The following JAKMIP3 variants were observed in gnomAD, a reference collection of about 807,000 sequenced individuals.
The protein encoded by JAKMIP3 is janus kinase and microtubule-interacting protein 3.
A neutral mutation model predicts 118.5 loss-of-function variants in JAKMIP3; 58 were observed. That is an observed-to-expected ratio of 0.49 (90% CI 0.40 to 0.61). JAKMIP3 has a LOEUF of 0.61. JAKMIP3 is among the 20% of genes least tolerant of loss of function. The pLI is 0.00. For synonymous variants in JAKMIP3, 486 were observed against 451.2 expected (o/e 1.08, Z -0.98); for missense variants, 950 against 1,109.0 (o/e 0.86, Z 2.04).
At chr10:132,173,462 A>G (rs2059823177) in intron 23 of JAKMIP3, among the ~76,000 whole-genome samples, 1 of 151,690 alleles carries the variant, frequency 6.6e-6, no homozygotes, top group Non-Finnish European at 1.5e-5. Flanking sequence ...CAGATGCCCC[A>G]GCTGGAGCAC....
intron 1 of JAKMIP3, among the ~76,000 whole-genome samples, chr10:132,056,432 A>AG (rs1215240125): frequency 6.6e-6 from 1 of 152,180 alleles, no homozygotes. Context: ...TCCAGGTCTC[A>AG]GGGTCCCATC....
intron 1 of JAKMIP3, among the ~76,000 whole-genome samples, chr10:132,081,403 T>G (rs1246112808): frequency 2.0e-5 from 3 of 152,234 alleles, no homozygotes; most frequent in Non-Finnish European, 4.4e-5. Context: ...TATATTTTTC[T>G]GTGTGAATGT....
chr10:132,163,158 G>T (rs1039024077), intron 19 of JAKMIP3, 51 bp from the exon 20 acceptor site: 10 of 1,515,336 alleles, frequency 6.6e-6, no homozygotes, highest in Non-Finnish European at 7.1e-6. Flanking sequence ...TTCCTGAAAG[G>T]TTTGTTCTGG....
intron 1 of JAKMIP3, among the ~76,000 whole-genome samples, chr10:132,070,921 C>T (rs1397241476): frequency 1.3e-5 from 2 of 152,216 alleles, no homozygotes; most frequent in Non-Finnish European, 2.9e-5. Context: ...ATTTCGCTTA[C>T]TTTGCATTTA....
chr10:132,171,228 C>T (rs1565002523), intron 23 of JAKMIP3, among the ~76,000 whole-genome samples: 3 of 152,224 alleles, frequency 2.0e-5, no homozygotes, highest in Admixed American at 6.5e-5. Flanking sequence ...TCTCCCACCG[C>T]GTCTGCTCCG....
Position 132,111,329 on chromosome 10 carries a change from G to A in JAKMIP3, c.136-5748G>A, listed in dbSNP as rs1189534174. 2.2e-5 allele frequency among the ~76,000 whole-genome samples: 3 copies of A among 139,490 alleles called. 1 individual carries two copies. The Admixed American group carries it at 2.2e-4, about 10-fold the overall frequency. 91.5% of individuals were successfully genotyped at this position (139,490 alleles called of 152,430 possible). A position where few individuals can be genotyped will look rare whatever the true frequency, so the allele number is the denominator to read the frequency against. The stretch of plus-strand genomic sequence containing the variant: ...GAGTAGTGCTGGGGTTACTGCTGAG[G>A]AAGTGGCCTTGGAGCAGAGACCCCC... On this transcript the variant is annotated intron_variant, in intron 2 of 23. Transcript: ENST00000684848.
intron 11 of JAKMIP3, 129 bp downstream of exon 11, chr10:132,142,177 C>T: frequency 7.0e-6 from 7 of 999,502 alleles, no homozygotes; most frequent in Non-Finnish European, 8.6e-6. Context: ...CCCTTGCCTG[C>T]AGTCCTGGTG....
intron 1 of JAKMIP3, among the ~76,000 whole-genome samples, chr10:132,089,685 T>C (rs996262959): frequency 3.3e-5 from 5 of 152,222 alleles, no homozygotes; most frequent in African/African-American, 7.2e-5. Flanking sequence ...CTTTTCCTAA[T>C]TGAATACCCT....
chr10:132,083,142 C>T (rs1370339345), intron 1 of JAKMIP3, among the ~76,000 whole-genome samples: 1 of 152,184 alleles, frequency 6.6e-6, no homozygotes, highest in African/African-American at 2.4e-5. Flanking sequence ...AGTTTACATT[C>T]CCACCAGCAA....
At chr10:132,170,081 G>A (rs925266686) in intron 23 of JAKMIP3, 4 of 152,322 alleles carry the variant, frequency 2.6e-5, no homozygotes, top group African/African-American at 4.8e-5. Context: ...CGGGAGACCA[G>A]CAGTCCCAGC....
At chr10:132,102,876 G>T (rs186831282) in intron 1 of JAKMIP3, among the ~76,000 whole-genome samples, 17 of 152,094 alleles carry the variant, frequency 1.1e-4, no homozygotes, top group African/African-American at 2.9e-4. Context: ...GCAGGAGTAG[G>T]GGGGGAGGGC....
chr10:132,180,530 T>C (rs1030625505), intron 23 of JAKMIP3, among the ~76,000 whole-genome samples: 2 of 31,950 alleles, frequency 6.3e-5, no homozygotes, highest in African/African-American at 4.0e-4. Flanking sequence ...GAACTGTGTG[T>C]GTGTGTGTGT....
At chr10:132,138,922 C>T (rs1173022096) in intron 9 of JAKMIP3, among the ~76,000 whole-genome samples, 1 of 152,226 alleles carries the variant, frequency 6.6e-6, no homozygotes, top group Non-Finnish European at 1.5e-5. Context: ...ACCCACGTCC[C>T]CAGGAAATGT....
At chr10:132,124,503 G>A (rs1272181892) in intron 3 of JAKMIP3, among the ~76,000 whole-genome samples, 2 of 148,182 alleles carry the variant, frequency 1.3e-5, no homozygotes, top group African/African-American at 2.5e-5. Flanking sequence ...CCATTGCCAC[G>A]CGGTCACCCA....
chr10:132,119,728 T>A (rs1431439922), intron 3 of JAKMIP3, among the ~76,000 whole-genome samples: 1 of 152,212 alleles, frequency 6.6e-6, no homozygotes, highest in African/African-American at 2.4e-5. Flanking sequence ...TGCTGTAAAT[T>A]AAAAAGAACT....
At chr10:132,130,513 T>C (rs530754899) in intron 3 of JAKMIP3, among the ~76,000 whole-genome samples, 5 of 152,146 alleles carry the variant, frequency 3.3e-5, no homozygotes, top group Non-Finnish European at 5.9e-5. Context: ...GAAGAGGTGG[T>C]GTGAGTGACG....
intron 19 of JAKMIP3, among the ~76,000 whole-genome samples, chr10:132,159,182 T>C (rs1222645067): frequency 8.9e-5 from 6 of 67,730 alleles, no homozygotes; most frequent in African/African-American, 1.5e-4. Flanking sequence ...CTGTGTGATG[T>C]TGTGGGGGCA....
chr10:132,136,520 C>T (rs187741440), intron 6 of JAKMIP3, among the ~76,000 whole-genome samples: 1 of 152,352 alleles, frequency 6.6e-6, no homozygotes, highest in Non-Finnish European at 1.5e-5. Flanking sequence ...GGGCCGTCAG[C>T]CGGTGTCACC....
At chr10:132,142,579 T>C (rs115775343) in intron 11 of JAKMIP3, among the ~76,000 whole-genome samples, 5,373 of 152,000 alleles carry the variant, frequency 0.035, 307 homozygotes, top group African/African-American at 0.12. Flanking sequence ...CTTAGCGTCG[T>C]CCCCCAGGAA....
Sources: gnomAD v4.1 joint callset for allele counts (sites outside exome capture counted in the v4.1 genomes callset) on GRCh38, gnomAD v4.1.1 for gene constraint, MANE v1.5 for transcripts, NCBI Gene and HGNC (gene_info 2026-07-23, HGNC 2026-07-21) for gene names.